C8orf34: variants seen among roughly 807,000 people sequenced by gnomAD.
The protein encoded by C8orf34 is chromosome 8 open reading frame 34, also known as uncharacterized protein C8orf34.
C8orf34 carries 65 observed loss-of-function variants against 68.3 expected under a neutral mutation model. The observed-to-expected ratio is 0.95, with a 90% CI of 0.78 to 1.17. The LOEUF is 1.17. Ranked by LOEUF, C8orf34 falls within the 50% of genes most tolerant of loss-of-function variation. The pLI is 0.00. For synonymous variants in C8orf34, 244 were observed against 241.2 expected (o/e 1.01, Z -0.11); for missense variants, 664 against 655.4 (o/e 1.01, Z -0.14).
At chr8:68,792,565 CCA>C (rs1824035303) in intron 12 of C8orf34, 2 of 71,150 alleles carry the variant, frequency 2.8e-5, no homozygotes, top group Non-Finnish European at 4.6e-5. Flanking sequence ...GAGTGAGACT[CCA>C]TCTCAAAAAA....
intron 1 of C8orf34, among the ~76,000 whole-genome samples, chr8:68,402,394 T>G (rs1224863806): frequency 1.3e-5 from 2 of 152,124 alleles, no homozygotes; most frequent in African/African-American, 4.8e-5. Context: ...TGTTTTTTCA[T>G]CTCAATTTCA....
intron 1 of C8orf34, among the ~76,000 whole-genome samples, chr8:68,344,850 CA>C (rs1263493491): frequency 6.6e-6 from 1 of 151,980 alleles, no homozygotes; most frequent in African/African-American, 2.4e-5. Flanking sequence ...GGGGGAGTAA[CA>C]TGGGTAGTGA....
rs113638635 is a variant in C8orf34 at position 68,446,192 on chromosome 8, C to T, written c.476-137C>T. ...ACAGATGAAATTAAACAAGTAATAC[C>T]TTTGCGTGGGTACATTATTTTTGAT... On this transcript the variant is annotated intron_variant, in intron 2 of 13. Coordinates refer to ENST00000518698, the MANE Select transcript of C8orf34 (RefSeq NM_052958.4). The T allele has an allele frequency of 7.0e-4, 464 of 662,612 alleles. 2 individuals carry two copies. In the African/African-American group the frequency reaches 7.1e-3, roughly 10 times the overall value. 41.0% of individuals were successfully genotyped at this position (662,612 alleles called of 1,614,324 possible).
chr8:68,425,338 A>T (rs2129624069), intron 1 of C8orf34, among the ~76,000 whole-genome samples: 1 of 152,290 alleles, frequency 6.6e-6, no homozygotes, highest in South Asian at 2.1e-4. Flanking sequence ...GGGATAAATA[A>T]AACTATTTCT....
intron 10 of C8orf34, among the ~76,000 whole-genome samples, chr8:68,751,778 A>G (rs192937478): frequency 6.6e-6 from 1 of 152,090 alleles, no homozygotes; most frequent in African/African-American, 2.4e-5. Context: ...CAGATAGACT[A>G]TAGGGGTTAT....
chr8:68,709,783 T>C (rs1375475195), intron 9 of C8orf34, among the ~76,000 whole-genome samples: 1 of 152,282 alleles, frequency 6.6e-6, no homozygotes, highest in South Asian at 2.1e-4. Context: ...GGAAATTCCT[T>C]AACTTAGCAA....
At chr8:68,419,895 G>A (rs903725480) in intron 1 of C8orf34, among the ~76,000 whole-genome samples, 23 of 149,528 alleles carry the variant, frequency 1.5e-4, no homozygotes, top group African/African-American at 5.7e-4. Flanking sequence ...GAGTTAGTGG[G>A]TGCAGCACAC....
rs148269872 is a variant in C8orf34 at position 68,478,652 on chromosome 8, G to T, written c.737-9371G>T. Among the ~76,000 whole-genome samples, 526 of 152,296 alleles carry T rather than the reference G, an allele frequency of 3.5e-3. 5 individuals carry two copies. Among genetic ancestry groups the T allele is most frequent in the African/African-American group, 0.012 (480 of 41,562 alleles). ...AATTGATTCACAGTCCTACATGGCT[G>T]AAGAGGCCTCAGGAAACTTACAATT... On this transcript the variant is annotated intron_variant, in intron 4 of 13. Coordinates refer to ENST00000518698, the MANE Select transcript of C8orf34 (RefSeq NM_052958.4).
intron 3 of C8orf34, among the ~76,000 whole-genome samples, chr8:68,462,071 G>A (rs570115212): frequency 5.5e-4 from 83 of 152,096 alleles, no homozygotes; most frequent in African/African-American, 1.9e-3. Flanking sequence ...ACACACATAG[G>A]CTCAAAATAA....
intron 10 of C8orf34, among the ~76,000 whole-genome samples, chr8:68,725,698 G>C (rs1821808638): frequency 6.6e-6 from 1 of 152,118 alleles, no homozygotes; most frequent in African/African-American, 2.4e-5. Context: ...AAGATCTTGT[G>C]ATTTGTCCCA....
At position 68,439,624 on chromosome 8, in the gene C8orf34, A is replaced by G; in HGVS notation, c.453A>G (p.Leu151=). 6 of 1,612,328 alleles carry G rather than the reference A, an allele frequency of 3.7e-6. No individual in the cohort carries two copies. The highest frequency in any genetic ancestry group is 5.1e-6 in the Non-Finnish European group (6 of 1,179,454). Residue 151 remains leucine (L), a synonymous_variant, in exon 2 of 14, where the codon CTA becomes CTG. Transcript: ENST00000518698. ...GAACTTTGTCTGGATCTGCAGCTCT[A>G]TGGGCAGAAAGTGAAAAATCAGGTA... ...LQRTLSGSAA[L]WAESEKSESK... is the part of the protein sequence containing the mutation.
intron 7 of C8orf34, among the ~76,000 whole-genome samples, chr8:68,543,527 A>G (rs1563520368): frequency 6.6e-6 from 1 of 152,180 alleles, no homozygotes; most frequent in Non-Finnish European, 1.5e-5. Context: ...TCTGTATATT[A>G]CTTAACAATC....
intron 8 of C8orf34, among the ~76,000 whole-genome samples, chr8:68,649,834 A>T (rs995533788): frequency 6.6e-5 from 10 of 152,162 alleles, no homozygotes; most frequent in African/African-American, 2.4e-4. Flanking sequence ...TGGCCACTGT[A>T]CAACGTATGG....
chr8:68,450,417 T>C (rs2129627400), intron 3 of C8orf34, among the ~76,000 whole-genome samples: 1 of 152,252 alleles, frequency 6.6e-6, no homozygotes, highest in South Asian at 2.1e-4. Context: ...TAAATCTTTT[T>C]AATGAAGTTT....
intron 1 of C8orf34, among the ~76,000 whole-genome samples, chr8:68,406,862 A>G (rs977078069): frequency 6.6e-6 from 1 of 152,150 alleles, no homozygotes; most frequent in East Asian, 1.9e-4. Flanking sequence ...AAGGACTGCT[A>G]TCTTGAGTAA....
intron 1 of C8orf34, among the ~76,000 whole-genome samples, chr8:68,334,942 C>A (rs1235956245): frequency 6.6e-6 from 1 of 152,172 alleles, no homozygotes; most frequent in Non-Finnish European, 1.5e-5. Flanking sequence ...ATGTATGCAA[C>A]CCTGAACTCC....
intron 10 of C8orf34, among the ~76,000 whole-genome samples, chr8:68,737,203 A>T (rs960208912): frequency 6.6e-6 from 1 of 152,144 alleles, no homozygotes; most frequent in Non-Finnish European, 1.5e-5. Flanking sequence ...CTCTTAGTTT[A>T]AATTCTTATT....
At position 68,483,066 on chromosome 8, in the gene C8orf34, A is replaced by C. The variant is rs569944401; in HGVS notation, c.737-4957A>C. Reference sequence around the variant, plus strand: ...GAATCGAACCTACTTTTGTGAAATGAATTACACTAAGGTATAGAGAATTTT... The same window carrying C: ...GAATCGAACCTACTTTTGTGAAATGCATTACACTAAGGTATAGAGAATTTT... On this transcript the variant is annotated intron_variant, in intron 4 of 13. Coordinates refer to ENST00000518698, the MANE Select transcript of C8orf34 (RefSeq NM_052958.4). Among the ~76,000 whole-genome samples the C allele has an allele frequency of 2.8e-3, 431 of 152,326 alleles. 1 individual carries two copies. The highest frequency in any genetic ancestry group is 0.01 in the African/African-American group (417 of 41,580).
chr8:68,402,781 A>G (rs1809014192), intron 1 of C8orf34, among the ~76,000 whole-genome samples: 1 of 152,152 alleles, frequency 6.6e-6, no homozygotes, highest in South Asian at 2.1e-4. Flanking sequence ...GATATTTGAT[A>G]TGATTTTGAT....
Sources: allele counts gnomAD v4.1 joint callset (sites outside exome capture counted in the v4.1 genomes callset), GRCh38; gene constraint gnomAD v4.1.1; transcripts MANE v1.5; gene names NCBI Gene and HGNC (gene_info 2026-07-23, HGNC 2026-07-21).